The following RBFOX1 variants were observed in gnomAD, a reference collection of about 807,000 sequenced individuals.
The protein encoded by RBFOX1 is RNA binding fox-1 homolog 1.
RBFOX1 carries 8 observed loss-of-function variants against 57.7 expected under a neutral mutation model. The observed-to-expected ratio is 0.14, with a 90% CI of 0.08 to 0.25. The LOEUF (loss-of-function observed/expected upper bound fraction) is 0.25, where lower values mean the gene tolerates loss of function less well. Among genes scored for constraint, RBFOX1 ranks in the 10% least tolerant of loss-of-function variants. The pLI is 1.00. For missense variants in RBFOX1, 611 were observed against 548.5 expected (o/e 1.11, Z -1.14); for synonymous variants, 326 against 222.4 (o/e 1.47, Z -4.15).
chr16:6,759,384 C>G (rs1174725784), intron 3 of RBFOX1, among the ~76,000 whole-genome samples: 1 of 152,024 alleles, frequency 6.6e-6, no homozygotes, highest in Non-Finnish European at 1.5e-5. Flanking sequence ...CTCCTGACCT[C>G]AGGTGATCTG....
intron 12 of RBFOX1, among the ~76,000 whole-genome samples, chr16:7,658,724 C>T (rs1449629123): frequency 2.0e-5 from 3 of 152,136 alleles, no homozygotes; most frequent in Non-Finnish European, 2.9e-5. Context: ...TCTAATGGAG[C>T]ATCACATGAG....
At chr16:5,916,088 G>C (rs1314119598) in intron 4 of RBFOX1, among the ~76,000 whole-genome samples, 1 of 152,004 alleles carries the variant, frequency 6.6e-6, no homozygotes, top group Non-Finnish European at 1.5e-5. Flanking sequence ...CTGTGTTAAG[G>C]ACTTTAAGCC....
intron 3 of RBFOX1, among the ~76,000 whole-genome samples, chr16:5,848,232 C>T (rs145838884): frequency 1.3e-5 from 2 of 152,062 alleles, no homozygotes; most frequent in Non-Finnish European, 2.9e-5. Context: ...TTATCCAGCC[C>T]ACCACCACTG....
intron 4 of RBFOX1, among the ~76,000 whole-genome samples, chr16:5,962,778 T>G (rs539757983): frequency 6.6e-6 from 1 of 152,076 alleles, no homozygotes; most frequent in East Asian, 1.9e-4. Flanking sequence ...CATTCGCTTT[T>G]CAGTAATCCA....
chr16:6,572,422 G>C (rs999318628), intron 2 of RBFOX1, among the ~76,000 whole-genome samples: 7 of 152,190 alleles, frequency 4.6e-5, no homozygotes, highest in Non-Finnish European at 1.0e-4. Context: ...CACATGAAAA[G>C]AATGTCTAAC....
At chr16:5,662,309 T>G (rs2049681126) in intron 3 of RBFOX1, among the ~76,000 whole-genome samples, 1 of 152,164 alleles carries the variant, frequency 6.6e-6, no homozygotes. Context: ...AGCTTTTGTT[T>G]GTGTGAACGC....
intron 2 of RBFOX1, among the ~76,000 whole-genome samples, chr16:5,571,329 T>G (rs2046275886): frequency 6.6e-6 from 1 of 151,702 alleles, no homozygotes; most frequent in Admixed American, 6.6e-5. Flanking sequence ...CAAGTGATTT[T>G]ACTGCCTCAG....
intron 1 of RBFOX1, among the ~76,000 whole-genome samples, chr16:5,273,721 G>C (rs1008724712): frequency 7.2e-5 from 11 of 152,160 alleles, no homozygotes; most frequent in Non-Finnish European, 1.5e-4. Flanking sequence ...CTGTGGGTCA[G>C]TGGAATGATG....
chr16:6,643,731 C>T (rs772857868), intron 2 of RBFOX1, among the ~76,000 whole-genome samples: 1 of 152,130 alleles, frequency 6.6e-6, no homozygotes, highest in African/African-American at 2.4e-5. Context: ...ATTCCCTACA[C>T]TCTAAAACTC....
chr16:7,349,912 C>T (rs977440350), intron 4 of RBFOX1, among the ~76,000 whole-genome samples: 14 of 152,012 alleles, frequency 9.2e-5, no homozygotes, highest in Admixed American at 4.6e-4. Flanking sequence ...TTTGGGAGGC[C>T]GAGGTGGGTG....
intron 3 of RBFOX1, among the ~76,000 whole-genome samples, chr16:6,693,674 TACCATCACC>T (rs1191541031): frequency 1.3e-5 from 2 of 150,522 alleles, no homozygotes; most frequent in East Asian, 4.0e-4. Flanking sequence ...CCTCATCTGC[TACCATCACC>T]ACCATCATCA....
chr16:6,054,356 G>A (rs2095588502), intron 1 of RBFOX1, among the ~76,000 whole-genome samples: 1 of 149,998 alleles, frequency 6.7e-6, no homozygotes, highest in South Asian at 2.1e-4. Context: ...TGTAATTACA[G>A]CAGTGGGTGG....
chr16:7,455,724 T>C (rs1448184329), intron 4 of RBFOX1, among the ~76,000 whole-genome samples: 1 of 147,964 alleles, frequency 6.8e-6, no homozygotes, highest in Non-Finnish European at 1.5e-5. Context: ...GAGGTAGAGG[T>C]TGCAATGAGC....
At position 6,957,116 on chromosome 16, in the gene RBFOX1, T is replaced by TTATTTA. The variant is rs1555677707; in HGVS notation, c.-15-94940_-15-94939insATTTAT. Among the ~76,000 whole-genome samples, 835 of 139,230 alleles carry TTATTTA rather than the reference T, an allele frequency of 6.0e-3. 13 individuals carry two copies. Among genetic ancestry groups the TTATTTA allele is most frequent in the African/African-American group, 0.021 (771 of 36,382 alleles). The allele number at this position is 139,230 out of a possible 152,430, so 91.3% of individuals were successfully genotyped here. ...ATTTATTTTATTTTTTTATTTTTAT[T>TTATTTA]TTTATTTATTTATTTATTTATTTAT... On this transcript the variant is annotated intron_variant, in intron 3 of 15. Coordinates refer to ENST00000550418, the MANE Select transcript of RBFOX1 (RefSeq NM_018723.4).
chr16:7,158,024 C>T (rs770237853), intron 4 of RBFOX1, among the ~76,000 whole-genome samples: 2 of 152,206 alleles, frequency 1.3e-5, no homozygotes, highest in South Asian at 2.1e-4. Flanking sequence ...GTAGCTTTTA[C>T]TCAGGTTTAT....
chr16:7,027,526 T>G (rs201992407), intron 3 of RBFOX1, among the ~76,000 whole-genome samples: 1 of 8,998 alleles, frequency 1.1e-4, no homozygotes, highest in Non-Finnish European at 2.2e-4. Flanking sequence ...GCTTCAGGGC[T>G]TTTTTTTCTA....
chr16:6,146,406 G>A (rs998705787), intron 1 of RBFOX1, among the ~76,000 whole-genome samples: 11 of 152,096 alleles, frequency 7.2e-5, no homozygotes, highest in Admixed American at 2.6e-4. Context: ...CAACACTATT[G>A]ACATTTGGGG....
intron 4 of RBFOX1, among the ~76,000 whole-genome samples, chr16:7,299,389 G>A (rs537412354): frequency 2.6e-5 from 4 of 152,236 alleles, no homozygotes; most frequent in South Asian, 2.1e-4. Flanking sequence ...TTGGAAGCGT[G>A]GTTTATTTTT....
At chr16:7,441,415 C>A (rs1047857617) in intron 4 of RBFOX1, among the ~76,000 whole-genome samples, 1 of 152,130 alleles carries the variant, frequency 6.6e-6, no homozygotes, top group African/African-American at 2.4e-5. Flanking sequence ...GATGATGTTG[C>A]CTAAGCCTCC....
Sources: gnomAD v4.1 joint callset for allele counts (sites outside exome capture counted in the v4.1 genomes callset) on GRCh38, gnomAD v4.1.1 for gene constraint, MANE v1.5 for transcripts, NCBI Gene and HGNC (gene_info 2026-07-23, HGNC 2026-07-21) for gene names.